Variants in ROR1 observed in about 807,000 individuals in gnomAD.
ROR1 encodes inactive tyrosine-protein kinase transmembrane receptor ROR1.
In ROR1, 19 loss-of-function variants were observed where a neutral mutation model predicts 78.8. The observed-to-expected ratio is 0.24, with a 90% CI of 0.17 to 0.35. The LOEUF (loss-of-function observed/expected upper bound fraction) is 0.35. Ranked by LOEUF, ROR1 falls within the 10% of genes least tolerant of loss-of-function variation. ROR1 has a pLI of 1.00. For missense variants in ROR1, 917 were observed against 1,177.8 expected (o/e 0.78, Z 3.24); for synonymous variants, 386 against 433.6 (o/e 0.89, Z 1.36).
At chr1:63,957,854 T>C (rs2100480419) in intron 1 of ROR1, among the ~76,000 whole-genome samples, 1 of 152,066 alleles carries the variant, frequency 6.6e-6, no homozygotes, top group African/African-American at 2.4e-5. Context: ...ATGATTCTCC[T>C]GCCTCAGCCT....
chr1:63,831,229 T>A (rs593118), intron 1 of ROR1, among the ~76,000 whole-genome samples: 48,804 of 152,104 alleles, frequency 0.32, 10,219 homozygotes, highest in African/African-American at 0.6. Context: ...CCCTCTTCTC[T>A]CAGCTCTACT....
chr1:64,058,081 T>A (rs1646889059), intron 4 of ROR1, among the ~76,000 whole-genome samples: 1 of 152,218 alleles, frequency 6.6e-6, no homozygotes, highest in Non-Finnish European at 1.5e-5. Flanking sequence ...TATTTGATTA[T>A]CTTTCATGCT....
chr1:64,140,816 G>A lies in ROR1; in HGVS notation c.928+390G>A, dbSNP rs575221043. Among the ~76,000 whole-genome samples, 10 of 152,276 alleles carry A rather than the reference G, an allele frequency of 6.6e-5. No individual in the cohort carries two copies. The South Asian group carries it at 2.1e-3, about 32-fold the overall frequency. On this transcript the variant is annotated intron_variant, in intron 6 of 8. Transcript: ENST00000371079. Reference sequence around the variant, plus strand: ...TGACCCAAATGCCATCAGTAGAGGAGCGGTTAAACAAATTGTGGTATATCC... The same window carrying A: ...TGACCCAAATGCCATCAGTAGAGGAACGGTTAAACAAATTGTGGTATATCC...
chr1:64,039,687 T>C (rs1052374404), intron 2 of ROR1, among the ~76,000 whole-genome samples: 1 of 152,232 alleles, frequency 6.6e-6, no homozygotes, highest in Non-Finnish European at 1.5e-5. Context: ...AGGCATCTCC[T>C]GTGCATGGTA....
chr1:63,815,138 C>G (rs1172803001), intron 1 of ROR1, among the ~76,000 whole-genome samples: 1 of 152,158 alleles, frequency 6.6e-6, no homozygotes, highest in Non-Finnish European at 1.5e-5. Context: ...GGTCTTTTGG[C>G]TAGCCTGAGG....
At chr1:63,864,485 A>G (rs1445165272) in intron 1 of ROR1, among the ~76,000 whole-genome samples, 1 of 152,140 alleles carries the variant, frequency 6.6e-6, no homozygotes, top group Non-Finnish European at 1.5e-5. Flanking sequence ...TGCCAAATGC[A>G]TTTATGAGTC....
rs1368100111 is a variant in ROR1, at chr1:64,181,255, A to G, written c.*2400A>G. 1 of 152,084 alleles carries G rather than the reference A, an allele frequency of 6.6e-6. No individual in the cohort carries two copies. The highest frequency in any genetic ancestry group is 6.6e-5 in the Admixed American group (1 of 15,266). The allele number at this position is 152,084 out of a possible 1,614,324, so 9.4% of individuals were successfully genotyped here. On this transcript the variant is annotated 3_prime_UTR_variant, in exon 9 of 9. Coordinates refer to ENST00000371079, the MANE Select transcript of ROR1 (RefSeq NM_005012.4). ...GATATAGATTTTCTTCAAATATATA[A>G]TGGCAATTTTCAGATATCTCACCTT...
At chr1:63,820,419 A>G (rs1225884272) in intron 1 of ROR1, among the ~76,000 whole-genome samples, 1 of 152,186 alleles carries the variant, frequency 6.6e-6, no homozygotes, top group African/African-American at 2.4e-5. Context: ...GAAGGCTTTC[A>G]TTGTTTGTTT....
intron 1 of ROR1, among the ~76,000 whole-genome samples, chr1:63,781,336 T>G (rs947456844): frequency 1.2e-4 from 18 of 152,214 alleles, no homozygotes; most frequent in African/African-American, 4.3e-4. Flanking sequence ...CCTTGGAGTT[T>G]GGACTTCTGA....
At chr1:64,136,357 T>A (rs1355940293) in intron 4 of ROR1, among the ~76,000 whole-genome samples, 11 of 74,614 alleles carry the variant, frequency 1.5e-4, no homozygotes, top group Non-Finnish European at 2.8e-4. Flanking sequence ...AACGGTGTAT[T>A]TTTTTTTTTT....
chr1:63,832,046 G>T (rs1183485877), intron 1 of ROR1, among the ~76,000 whole-genome samples: 1 of 152,156 alleles, frequency 6.6e-6, no homozygotes, highest in African/African-American at 2.4e-5. Context: ...CTAAAGCATA[G>T]GAAGAGTGAC....
chr1:63,992,213 A>T (rs1424466020), intron 1 of ROR1, among the ~76,000 whole-genome samples: 1 of 151,248 alleles, frequency 6.6e-6, no homozygotes, highest in Non-Finnish European at 1.5e-5. Flanking sequence ...TTATTTATTT[A>T]TTTATTTTTT....
chr1:63,878,358 A>G (rs1645301421), intron 1 of ROR1, among the ~76,000 whole-genome samples: 1 of 152,236 alleles, frequency 6.6e-6, no homozygotes, highest in South Asian at 2.1e-4. Context: ...CTTGACGATG[A>G]GGAACTGATC....
chr1:63,864,912 C>T (rs751016839), intron 1 of ROR1, among the ~76,000 whole-genome samples: 2 of 148,822 alleles, frequency 1.3e-5, no homozygotes, highest in Non-Finnish European at 3.0e-5. Context: ...GTTCAGAAAT[C>T]AGGTATCAAT....
At chr1:63,951,727 C>T (rs1481905523) in intron 1 of ROR1, among the ~76,000 whole-genome samples, 1 of 152,144 alleles carries the variant, frequency 6.6e-6, no homozygotes, top group African/African-American at 2.4e-5. Flanking sequence ...TCACCACCAG[C>T]CCACATGCTG....
intron 1 of ROR1, among the ~76,000 whole-genome samples, chr1:63,893,716 G>A (rs1458658428): frequency 1.3e-5 from 2 of 151,926 alleles, no homozygotes; most frequent in Admixed American, 6.6e-5. Context: ...CAAAAGTATC[G>A]GTAATCTCTG....
At chr1:64,063,138 A>G (rs1026587548) in intron 4 of ROR1, among the ~76,000 whole-genome samples, 9 of 152,322 alleles carry the variant, frequency 5.9e-5, no homozygotes, top group Non-Finnish European at 7.4e-5. Context: ...CAGGCAAAGG[A>G]AAAAGAGGTT....
At chr1:63,871,191 CTG>C (rs1645249454) in intron 1 of ROR1, among the ~76,000 whole-genome samples, 1 of 152,164 alleles carries the variant, frequency 6.6e-6, no homozygotes, top group Non-Finnish European at 1.5e-5. Flanking sequence ...GTAGTGGAGT[CTG>C]TGAGCTATTT....
intron 4 of ROR1, among the ~76,000 whole-genome samples, chr1:64,107,623 C>T (rs1417812709): frequency 6.6e-6 from 1 of 151,548 alleles, no homozygotes; most frequent in African/African-American, 2.4e-5. Context: ...TTTCAGAATG[C>T]ACATTAAAGT....
Sources: gnomAD v4.1 joint callset for allele counts (sites outside exome capture counted in the v4.1 genomes callset) on GRCh38, gnomAD v4.1.1 for gene constraint, MANE v1.5 for transcripts, NCBI Gene and HGNC (gene_info 2026-07-23, HGNC 2026-07-21) for gene names.